Variants in CCDC148 observed in about 807,000 individuals in gnomAD.
CCDC148 encodes the protein coiled-coil domain-containing protein 148.
In CCDC148, 89 loss-of-function variants were observed where a neutral mutation model predicts 85.7. That is an observed-to-expected ratio of 1.04 (90% CI 0.87 to 1.24). CCDC148 has a LOEUF of 1.24. Ranked by LOEUF, CCDC148 falls within the 50% of genes most tolerant of loss-of-function variation. CCDC148 has a pLI of 0.00. For missense variants in CCDC148, 692 were observed against 671.7 expected, an observed-to-expected ratio of 1.03 and a Z score of -0.33; for synonymous variants, 230 against 213.9, an observed-to-expected ratio of 1.08 and a Z score of -0.66.
chr2:158,362,831 TGAA>T (rs1684021964), intron 1 of CCDC148, among the ~76,000 whole-genome samples: 1 of 151,204 alleles, frequency 6.6e-6, no homozygotes, highest in Non-Finnish European at 1.5e-5. Context: ...AGAGAAGAAC[TGAA>T]GGAGATAGAG....
chr2:158,265,648 G>T (rs1212066731), intron 9 of CCDC148, among the ~76,000 whole-genome samples: 1 of 152,096 alleles, frequency 6.6e-6, no homozygotes, highest in Non-Finnish European at 1.5e-5. Flanking sequence ...ACTTCCTCTT[G>T]TGTTTCCTTT....
At chr2:158,234,329 T>C (rs1687997893) in intron 10 of CCDC148, among the ~76,000 whole-genome samples, 2 of 152,170 alleles carry the variant, frequency 1.3e-5, no homozygotes, top group Non-Finnish European at 2.9e-5. Context: ...TTATTTGAAC[T>C]TAATGGATCT....
chr2:158,360,972 G>A (rs1025722070), intron 1 of CCDC148, among the ~76,000 whole-genome samples: 1 of 151,810 alleles, frequency 6.6e-6, no homozygotes, highest in Non-Finnish European at 1.5e-5. Context: ...GTTTAGAGAA[G>A]AACATAAATG....
chr2:158,195,608 T>C (rs968197500), intron 11 of CCDC148, among the ~76,000 whole-genome samples: 18 of 152,176 alleles, frequency 1.2e-4, no homozygotes, highest in African/African-American at 4.1e-4. Flanking sequence ...GCCTCCCTTT[T>C]TGGTCACAGA....
chr2:158,220,456 G>A, intron 11 of CCDC148, 139 bp downstream of exon 11: 2 of 615,774 alleles, frequency 3.2e-6, no homozygotes, highest in Non-Finnish European at 5.6e-6. Flanking sequence ...AGATATCATT[G>A]TATTCATTTG....
chr2:158,388,951 C>G (rs1427826418), intron 1 of CCDC148, among the ~76,000 whole-genome samples: 1 of 152,100 alleles, frequency 6.6e-6, no homozygotes, highest in Non-Finnish European at 1.5e-5. Flanking sequence ...TTGCAGATGC[C>G]TGAAAACATG....
intron 9 of CCDC148, among the ~76,000 whole-genome samples, chr2:158,301,647 G>C (rs904312115): frequency 6.6e-6 from 1 of 152,210 alleles, no homozygotes; most frequent in Non-Finnish European, 1.5e-5. Context: ...GGCAGACAAT[G>C]GGAAATATAC....
chr2:158,402,674 A>G (rs1685835251), intron 1 of CCDC148, among the ~76,000 whole-genome samples: 1 of 152,098 alleles, frequency 6.6e-6, no homozygotes. Context: ...CCTATTGGAA[A>G]TGAAGGATTA....
At chr2:158,199,718 G>A (rs1188664834) in intron 11 of CCDC148, among the ~76,000 whole-genome samples, 1 of 152,034 alleles carries the variant, frequency 6.6e-6, no homozygotes, top group African/African-American at 2.4e-5. Context: ...GAATAATGAA[G>A]GTCACTTTAT....
At position 158,424,062 on chromosome 2, in the gene CCDC148, A is replaced by T. The variant is rs184937249; in HGVS notation, c.25+32353T>A. On this transcript the variant is annotated intron_variant, in intron 1 of 13. Transcript: ENST00000283233. ...GAATGGTGATCATTAAAAAGTGAGGAAACAACAGGTGTTGGAGAGGATGTG... is the reference window on the plus strand; with the variant it reads ...GAATGGTGATCATTAAAAAGTGAGGTAACAACAGGTGTTGGAGAGGATGTG... Among the ~76,000 whole-genome samples, 26 of 152,312 alleles carry T rather than the reference A, an allele frequency of 1.7e-4. No individual in the cohort carries two copies. The South Asian group carries it at 3.1e-3, about 18-fold the overall frequency.
Position 158,438,732 on chromosome 2 carries a change from G to A in CCDC148, c.25+17683C>T, listed in dbSNP as rs533800034. 4.1e-3 allele frequency among the ~76,000 whole-genome samples: 620 copies of A among 152,034 alleles called. 2 individuals are homozygous for A. Among genetic ancestry groups the A allele is most frequent in the African/African-American group, 0.014 (587 of 41,476 alleles). ...AATTTTTGCAATCTACTCATCTGAC[G>A]AAGGGCTAATATCCAGAATCTACAA... On this transcript the variant is annotated intron_variant, in intron 1 of 13. Coordinates refer to ENST00000283233, the MANE Select transcript of CCDC148 (RefSeq NM_138803.4).
chr2:158,394,135 T>C (rs7591998), intron 1 of CCDC148, among the ~76,000 whole-genome samples: 81,174 of 151,852 alleles, frequency 0.53, 22,200 homozygotes, highest in South Asian at 0.73. Context: ...CCACTGTCCA[T>C]CAGTTTTGAG....
At chr2:158,449,729 A>C (rs1484793239) in intron 1 of CCDC148, among the ~76,000 whole-genome samples, 1 of 152,236 alleles carries the variant, frequency 6.6e-6, no homozygotes, top group African/African-American at 2.4e-5. Context: ...GATTATAGGC[A>C]TGAGCCACCA....
intron 1 of CCDC148, among the ~76,000 whole-genome samples, chr2:158,428,182 C>T (rs540427726): frequency 2.6e-5 from 4 of 152,028 alleles, no homozygotes; most frequent in Non-Finnish European, 5.9e-5. Context: ...GAGACTGTTA[C>T]AGTAGATCAG....
At chr2:158,256,407 T>TGATATGCTCTGCAATTTTCTTC (rs1218968341) in intron 9 of CCDC148, among the ~76,000 whole-genome samples, 2 of 151,740 alleles carry the variant, frequency 1.3e-5, no homozygotes, top group Non-Finnish European at 2.9e-5. Context: ...TCATAATATA[T>TGATATGCTCTGCAATTTTCTTC]GATATGCTCT....
intron 9 of CCDC148, among the ~76,000 whole-genome samples, chr2:158,281,163 C>G (rs895347338): frequency 6.6e-6 from 1 of 151,916 alleles, no homozygotes; most frequent in Non-Finnish European, 1.5e-5. Flanking sequence ...TAAATGCCCA[C>G]AAGAGAAAGC....
rs569814643 is a variant in CCDC148 at position 158,410,619 on chromosome 2, T to C, written c.25+45796A>G. ...TCAACAACTTCAATCACATATAAAA[T>C]CTCTATACTTTTATCACCCCTCACA... On this transcript the variant is annotated intron_variant, in intron 1 of 13. Transcript: ENST00000283233. 5.9e-5 allele frequency among the ~76,000 whole-genome samples: 9 copies of C among 152,328 alleles called. No homozygotes were observed. The East Asian group carries it at 1.7e-3, about 29-fold the overall frequency.
At chr2:158,186,781 G>A (rs1198736669) in intron 11 of CCDC148, among the ~76,000 whole-genome samples, 1 of 151,856 alleles carries the variant, frequency 6.6e-6, no homozygotes, top group African/African-American at 2.4e-5. Flanking sequence ...TAGGTCCCAG[G>A]TTAGGCCTTC....
At chr2:158,282,539 G>C (rs1202936514) in intron 9 of CCDC148, among the ~76,000 whole-genome samples, 4 of 152,134 alleles carry the variant, frequency 2.6e-5, no homozygotes, top group Non-Finnish European at 4.4e-5. Context: ...TTGCTTCAAA[G>C]AGAATAAAAT....
Sources: gnomAD v4.1 joint callset for allele counts (sites outside exome capture counted in the v4.1 genomes callset) on GRCh38, gnomAD v4.1.1 for gene constraint, MANE v1.5 for transcripts, NCBI Gene and HGNC (gene_info 2026-07-23, HGNC 2026-07-21) for gene names.